FMN1: variants seen among roughly 807,000 people sequenced by gnomAD.
FMN1 encodes the protein formin 1.
In FMN1, 110 loss-of-function variants were observed where a neutral mutation model predicts 132.4. The ratio of observed to expected loss-of-function variants is 0.83; its 90% CI spans 0.71 to 0.97. The LOEUF (loss-of-function observed/expected upper bound fraction) is 0.97, where lower values mean the gene tolerates loss of function less well. FMN1 is among the 50% of genes least tolerant of loss of function. FMN1 has a pLI of 0.00. For missense variants in FMN1, 1,792 were observed against 1,705.3 expected (o/e 1.05, Z -0.90); for synonymous variants, 722 against 651.7 (o/e 1.11, Z -1.64).
intron 4 of FMN1, among the ~76,000 whole-genome samples, chr15:33,097,533 T>C (rs942812684): frequency 6.6e-6 from 1 of 152,010 alleles, no homozygotes; most frequent in Non-Finnish European, 1.5e-5. Context: ...ATATTATGTA[T>C]AGAAAACTAA....
At chr15:32,775,411 T>C (rs1333638722) in intron 20 of FMN1, among the ~76,000 whole-genome samples, 1 of 152,108 alleles carries the variant, frequency 6.6e-6, no homozygotes, top group Admixed American at 6.5e-5. Flanking sequence ...TGTTTCCCTT[T>C]TGTCTATATG....
intron 4 of FMN1, among the ~76,000 whole-genome samples, chr15:33,093,974 T>G (rs1595456839): frequency 6.6e-6 from 1 of 152,320 alleles, no homozygotes; most frequent in East Asian, 1.9e-4. Context: ...CCATGAAGAT[T>G]GCAGTATTTC....
chr15:33,054,107 G>A (rs1008914243), intron 6 of FMN1, among the ~76,000 whole-genome samples: 1 of 152,098 alleles, frequency 6.6e-6, no homozygotes, highest in African/African-American at 2.4e-5. Flanking sequence ...CTTTCTAGGG[G>A]CCTTACCAGG....
chr15:32,927,268 A>T (rs2060985174), intron 9 of FMN1, among the ~76,000 whole-genome samples: 1 of 152,158 alleles, frequency 6.6e-6, no homozygotes, highest in Non-Finnish European at 1.5e-5. Flanking sequence ...TTAATCAATT[A>T]ATTTTTGAGA....
chr15:33,161,644 C>G (rs912930334), intron 3 of FMN1, among the ~76,000 whole-genome samples: 1 of 152,272 alleles, frequency 6.6e-6, no homozygotes, highest in African/African-American at 2.4e-5. Flanking sequence ...GAAGGCTGGG[C>G]GCAGTGGCTC....
At chr15:33,095,337 G>GACT (rs1259314227) in intron 4 of FMN1, among the ~76,000 whole-genome samples, 1 of 151,978 alleles carries the variant, frequency 6.6e-6, no homozygotes, top group Non-Finnish European at 1.5e-5. Flanking sequence ...AACAGAGTAA[G>GACT]ACTGTCTCAA....
intron 17 of FMN1, among the ~76,000 whole-genome samples, chr15:32,805,808 C>T (rs1017114695): frequency 6.6e-6 from 1 of 152,190 alleles, no homozygotes; most frequent in Non-Finnish European, 1.5e-5. Context: ...CCGCATACTG[C>T]CTCCACACCC....
chr15:33,064,484 G>C (rs2037625585), intron 6 of FMN1: 1 of 152,208 alleles, frequency 6.6e-6, no homozygotes, highest in Non-Finnish European at 1.5e-5. Context: ...ATAAAGCTTT[G>C]TCTCACAAAA....
chr15:32,958,210 T>A (rs1039195205), intron 9 of FMN1, among the ~76,000 whole-genome samples: 2 of 152,200 alleles, frequency 1.3e-5, no homozygotes, highest in Admixed American at 6.5e-5. Context: ...ATACTTTGGA[T>A]ATGCAGAAGT....
chr15:32,996,964 CA>C lies in FMN1; in HGVS notation c.2223+11049del, dbSNP rs1366780404. ...TAAAGAACAGCTGAGCCCCGATGTT[CA>C]AATTACAAAAATCGTAACGAAGAAG... On this transcript the variant is annotated intron_variant, in intron 7 of 20. Coordinates refer to ENST00000616417, the MANE Select transcript of FMN1 (RefSeq NM_001277313.2). Among the ~76,000 whole-genome samples the C allele has an allele frequency of 2.6e-5, 4 of 152,130 alleles. No individual in the cohort carries two copies. The East Asian group carries it at 7.7e-4, about 29-fold the overall frequency.
chr15:33,067,849 A>G, intron 5 of FMN1: 1 of 1,613,302 alleles, frequency 6.2e-7, no homozygotes, highest in Admixed American at 1.7e-5. Flanking sequence ...GTTCTGACAC[A>G]TCACTGCCAT....
intron 4 of FMN1, among the ~76,000 whole-genome samples, chr15:33,127,005 T>C (rs1199193459): frequency 3.3e-5 from 5 of 152,184 alleles, no homozygotes; most frequent in African/African-American, 1.2e-4. Context: ...CATGACTACA[T>C]GTGGGAGTTT....
chr15:33,044,948 A>T (rs2036608988), intron 6 of FMN1, among the ~76,000 whole-genome samples: 1 of 152,228 alleles, frequency 6.6e-6, no homozygotes, highest in African/African-American at 2.4e-5. Flanking sequence ...AAAGAGCTGT[A>T]ACACAAACAG....
intron 15 of FMN1, among the ~76,000 whole-genome samples, chr15:32,897,683 T>C (rs1039091493): frequency 9.9e-5 from 15 of 152,070 alleles, no homozygotes; most frequent in African/African-American, 3.4e-4. Flanking sequence ...CTGTTTTGAG[T>C]AGAAAAGCAA....
chr15:33,117,893 T>A (rs1443771848), intron 4 of FMN1, among the ~76,000 whole-genome samples: 2 of 152,186 alleles, frequency 1.3e-5, no homozygotes, highest in African/African-American at 4.8e-5. Context: ...CAAATGCCTG[T>A]TCTTCATCTA....
At chr15:32,866,708 C>T (rs1382451342) in intron 16 of FMN1, among the ~76,000 whole-genome samples, 10 of 152,176 alleles carry the variant, frequency 6.6e-5, no homozygotes, top group Non-Finnish European at 1.3e-4. Context: ...TTACTTCCTC[C>T]CCATTGTGAC....
At chr15:33,057,725 C>G (rs373148983) in intron 6 of FMN1, among the ~76,000 whole-genome samples, 2 of 152,196 alleles carry the variant, frequency 1.3e-5, no homozygotes, top group Admixed American at 6.5e-5. Flanking sequence ...ATCTCATGTT[C>G]TCACCCCTTC....
intron 4 of FMN1, among the ~76,000 whole-genome samples, chr15:33,092,653 T>G (rs1391996577): frequency 6.6e-6 from 1 of 152,012 alleles, no homozygotes; most frequent in Admixed American, 6.6e-5. Context: ...CCCAATCGAG[T>G]GAACCTTAGC....
chr15:32,959,869 C>A (rs1360869771), intron 9 of FMN1, among the ~76,000 whole-genome samples: 1 of 152,132 alleles, frequency 6.6e-6, no homozygotes, highest in African/African-American at 2.4e-5. Flanking sequence ...AGAGTAATAG[C>A]AATCTAAGAA....
Sources: allele counts gnomAD v4.1 joint callset (sites outside exome capture counted in the v4.1 genomes callset), GRCh38; gene constraint gnomAD v4.1.1; transcripts MANE v1.5; gene names NCBI Gene and HGNC (gene_info 2026-07-23, HGNC 2026-07-21).